FLRT1: variants seen among roughly 807,000 people sequenced by gnomAD.
FLRT1 encodes fibronectin leucine rich transmembrane protein 1.
A neutral mutation model predicts 30.9 loss-of-function variants in FLRT1; 14 were observed. The observed-to-expected ratio is 0.45, with a 90% CI of 0.30 to 0.71. FLRT1 has a LOEUF of 0.71. Ranked by LOEUF, FLRT1 falls within the 30% of genes least tolerant of loss-of-function variation. The pLI, the probability that FLRT1 is intolerant of heterozygous loss-of-function variation, is 0.08. For synonymous variants in FLRT1, 368 were observed against 430.4 expected (o/e 0.85, Z 1.80); for missense variants, 737 against 949.2 (o/e 0.78, Z 2.94).
chr11:64,083,827 C>T (rs868782897), intron 1 of FLRT1, among the ~76,000 whole-genome samples: 1 of 152,286 alleles, frequency 6.6e-6, no homozygotes, highest in Middle Eastern at 3.4e-3. Context: ...ATCAACAGAC[C>T]GACGGATCTG....
intron 1 of FLRT1, among the ~76,000 whole-genome samples, chr11:64,039,459 G>A (rs965360816): frequency 3.3e-5 from 5 of 152,192 alleles, no homozygotes; most frequent in Non-Finnish European, 7.4e-5. Context: ...TTCTGCCGGA[G>A]ACAAAGTTCA....
At chr11:64,114,041 T>G (rs1389819053) in intron 2 of FLRT1, among the ~76,000 whole-genome samples, 1 of 149,098 alleles carries the variant, frequency 6.7e-6, no homozygotes, top group Non-Finnish European at 1.5e-5. Context: ...GACAGGTGGA[T>G]GCATGGGTTG....
intron 1 of FLRT1, among the ~76,000 whole-genome samples, chr11:64,091,569 G>A (rs1017424665): frequency 1.3e-5 from 2 of 152,130 alleles, no homozygotes; most frequent in African/African-American, 4.8e-5. Context: ...AGTCCTTCGG[G>A]CGTTTGCACA....
rs559947586 is a variant in FLRT1, at chr11:64,064,718, C to T, written c.-1038+28559C>T. 1.7e-4 allele frequency among the ~76,000 whole-genome samples: 26 copies of T among 150,518 alleles called. No homozygotes were observed. Among genetic ancestry groups the T allele is most frequent in the African/African-American group, 6.1e-4 (25 of 41,200 alleles). ...GGCCCTCCCTGAGTTCTCCTCTCCCCTCCCTGCCAGCCCCCCAGCAGGCAG... is the reference window on the plus strand; with the variant it reads ...GGCCCTCCCTGAGTTCTCCTCTCCCTTCCCTGCCAGCCCCCCAGCAGGCAG... On this transcript the variant is annotated intron_variant, in intron 1 of 2. Coordinates refer to ENST00000682287, the MANE Select transcript of FLRT1 (RefSeq NM_013280.5). This position sits in a 1 kb window ranked among gnomAD's most constrained non-coding sequence, Gnocchi z 4.5.
chr11:64,083,591 C>T (rs757557629), intron 1 of FLRT1, among the ~76,000 whole-genome samples: 8 of 152,162 alleles, frequency 5.3e-5, no homozygotes, highest in Admixed American at 6.5e-5. Flanking sequence ...CAAATCCTTT[C>T]GAGAACGAGC....
At chr11:64,104,687 C>A (rs890334222) in intron 2 of FLRT1, among the ~76,000 whole-genome samples, 4 of 152,178 alleles carry the variant, frequency 2.6e-5, no homozygotes, top group Non-Finnish European at 2.9e-5. Flanking sequence ...TGGGTTGATC[C>A]AAAGCTACTG....
chr11:64,101,576 G>C (rs901168854), intron 1 of FLRT1, among the ~76,000 whole-genome samples: 1 of 152,174 alleles, frequency 6.6e-6, no homozygotes, highest in Non-Finnish European at 1.5e-5. Flanking sequence ...CGGCCAGGGA[G>C]GCGGATGACC....
intron 1 of FLRT1, among the ~76,000 whole-genome samples, chr11:64,040,594 G>C (rs1943466056): frequency 6.6e-6 from 1 of 152,226 alleles, no homozygotes; most frequent in Non-Finnish European, 1.5e-5. Flanking sequence ...CTTTTCCCGA[G>C]AGCTGTGTGT....
At chr11:64,048,817 T>A (rs1943635253) in intron 1 of FLRT1, among the ~76,000 whole-genome samples, 1 of 152,158 alleles carries the variant, frequency 6.6e-6, no homozygotes, top group Admixed American at 6.5e-5. Flanking sequence ...GGGGCTGCTA[T>A]CCCCACCAAG....
chr11:64,096,765 G>A lies in FLRT1; in HGVS notation c.-1037-6429G>A, dbSNP rs980579994. On this transcript the variant is annotated intron_variant, in intron 1 of 2. Transcript: ENST00000682287. The surrounding 1 kb of genome is among the most constrained non-coding windows in gnomAD (Gnocchi z 4.6). ...TTGCTCTGTGAAGGGGCAGGCTCTG[G>A]CCGCAGTGCCCCTCCCTGAGGGGAA... 1.3e-5 allele frequency among the ~76,000 whole-genome samples: 2 copies of A among 152,188 alleles called. No homozygotes were observed. The highest frequency in any genetic ancestry group is 1.3e-4 in the Admixed American group (2 of 15,280).
rs145860939 is a variant in FLRT1 at position 64,109,581 on chromosome 11, T to C, written c.-50+5400T>C. 4.6e-5 allele frequency among the ~76,000 whole-genome samples: 7 copies of C among 152,118 alleles called. No individual in the cohort carries two copies. In the East Asian group the frequency reaches 7.7e-4, roughly 17 times the overall value. On this transcript the variant is annotated intron_variant, in intron 2 of 2. Coordinates refer to ENST00000682287, the MANE Select transcript of FLRT1 (RefSeq NM_013280.5). ...GTGGCGTGGAGGAGGTAGGGAACTA[T>C]TTCTGGCCACTGGATGACCTGGTGA...
chr11:64,104,761 T>G (rs1413860060), intron 2 of FLRT1, among the ~76,000 whole-genome samples: 1 of 152,140 alleles, frequency 6.6e-6, no homozygotes, highest in African/African-American at 2.4e-5. Flanking sequence ...TCAGCCTCTT[T>G]GTTGGTTACT....
chr11:64,070,393 A>G (rs1289191305), intron 1 of FLRT1, among the ~76,000 whole-genome samples: 1 of 152,138 alleles, frequency 6.6e-6, no homozygotes, highest in Admixed American at 6.5e-5. Context: ...TCTCTCCTAT[A>G]AAATAGAGCC....
At chr11:64,074,937 G>A (rs1944175733) in intron 1 of FLRT1, among the ~76,000 whole-genome samples, 1 of 152,176 alleles carries the variant, frequency 6.6e-6, no homozygotes, top group African/African-American at 2.4e-5. Context: ...GGGGCAAAAG[G>A]GGTCACTTCC....
intron 2 of FLRT1, among the ~76,000 whole-genome samples, chr11:64,108,918 C>G (rs1372857912): frequency 6.6e-6 from 1 of 152,140 alleles, no homozygotes. Context: ...ACATGGGCAG[C>G]CAGATTCCTA....
chr11:64,060,988 C>T (rs1040338743), intron 1 of FLRT1, among the ~76,000 whole-genome samples: 7 of 151,950 alleles, frequency 4.6e-5, no homozygotes, highest in African/African-American at 1.4e-4. Flanking sequence ...CCGGGCGGGC[C>T]GGCGTCGACC....
In FLRT1 at chr11:64,117,834, G is replaced by A. The variant is rs1320011280; in HGVS notation, c.1567G>A (p.Val523Met). Residue 523 changes from valine to methionine, a missense_variant, in exon 3 of 3, where the codon GTG (valine) becomes ATG (methionine). By Grantham distance (21) the Val-to-Met change is conservative. Coordinates refer to ENST00000682287, the MANE Select transcript of FLRT1 (RefSeq NM_013280.5). ...TGCCTACGTAGCTGATGAGACACCC[G>A]TGTGTGCCAAGGCAGAGACAGCCGA... ...SNAYVADETP[V>M]CAKAETADSY... The A allele has an allele frequency of 1.2e-6, 2 of 1,614,198 alleles. No homozygotes were observed. The highest frequency in any genetic ancestry group is 1.7e-6 in the Non-Finnish European group (2 of 1,180,040).
chr11:64,086,462 C>A (rs1311726181), intron 1 of FLRT1, among the ~76,000 whole-genome samples: 1 of 151,920 alleles, frequency 6.6e-6, no homozygotes, highest in Non-Finnish European at 1.5e-5. Flanking sequence ...CCTCTGCTCT[C>A]CCCATGCCCT....
chr11:64,095,977 C>CA (rs1273778750), intron 1 of FLRT1, among the ~76,000 whole-genome samples: 2 of 34,324 alleles, frequency 5.8e-5, no homozygotes, highest in Non-Finnish European at 1.3e-4. Context: ...GTGGTCCCCC[C>CA]ACCCCCCAGG....
Sources: gnomAD v4.1 joint callset for allele counts (sites outside exome capture counted in the v4.1 genomes callset) on GRCh38, gnomAD v4.1.1 for gene constraint, Gnocchi (gnomAD v3.1) non-coding constraint, MANE v1.5 for transcripts, NCBI Gene and HGNC (gene_info 2026-07-23, HGNC 2026-07-21) for gene names.